Variants in CFAP44 observed in about 807,000 individuals in gnomAD.
CFAP44 encodes the protein cilia and flagella associated protein 44.
Under a neutral mutation model 216.2 loss-of-function variants are expected in CFAP44, and 134 were observed. That is an observed-to-expected ratio of 0.62 (90% CI 0.54 to 0.72). CFAP44 has a LOEUF of 0.72. CFAP44 is among the 30% of genes least tolerant of loss of function. CFAP44 has a pLI of 0.00. For synonymous variants in CFAP44, 700 were observed against 727.6 expected, an observed-to-expected ratio of 0.96 and a Z score of 0.61; for missense variants, 2,035 against 2,182.1, an observed-to-expected ratio of 0.93 and a Z score of 1.34.
At chr3:113,375,803 AGAGT>A (rs1175216892) in intron 17 of CFAP44, among the ~76,000 whole-genome samples, 5 of 152,136 alleles carry the variant, frequency 3.3e-5, no homozygotes, top group African/African-American at 9.7e-5. Context: ...CCTGGGCAAC[AGAGT>A]GAGTGAGACT....
At chr3:113,306,474 T>C (rs1949986798) in intron 29 of CFAP44, 143 bp from the exon 30 acceptor site, 3 of 930,974 alleles carry the variant, frequency 3.2e-6, no homozygotes, top group South Asian at 1.6e-5. Context: ...TATGGCTTAA[T>C]TGTTCCAGGT....
chr3:113,311,327 G>T (rs1307302224), intron 28 of CFAP44, among the ~76,000 whole-genome samples: 1 of 152,186 alleles, frequency 6.6e-6, no homozygotes, highest in Non-Finnish European at 1.5e-5. Flanking sequence ...CTCCAATAAT[G>T]CCCACATGTT....
At chr3:113,314,963 T>C (rs528875360) in intron 28 of CFAP44, among the ~76,000 whole-genome samples, 2 of 151,696 alleles carry the variant, frequency 1.3e-5, no homozygotes, top group South Asian at 4.2e-4. Context: ...CTACAAAAAA[T>C]TAAAATAGAA....
At chr3:113,309,185 T>G (rs1447350070) in intron 28 of CFAP44, among the ~76,000 whole-genome samples, 2 of 152,224 alleles carry the variant, frequency 1.3e-5, no homozygotes, top group African/African-American at 4.8e-5. Flanking sequence ...CAAGTTAATT[T>G]AGAAAAAATT....
intron 26 of CFAP44, among the ~76,000 whole-genome samples, chr3:113,328,462 C>A (rs894284171): frequency 6.6e-6 from 1 of 150,726 alleles, no homozygotes; most frequent in African/African-American, 2.4e-5. Flanking sequence ...GCTTTCCCCC[C>A]CAGTATCACA....
At chr3:113,298,345 C>T (rs1949901939) in intron 32 of CFAP44, among the ~76,000 whole-genome samples, 2 of 152,346 alleles carry the variant, frequency 1.3e-5, no homozygotes, top group South Asian at 4.1e-4. Context: ...ATGGAGAGAA[C>T]TTATTCCTTC....
intron 28 of CFAP44, among the ~76,000 whole-genome samples, chr3:113,311,226 A>G (rs917985027): frequency 7.2e-5 from 11 of 152,348 alleles, no homozygotes; most frequent in Non-Finnish European, 1.5e-4. Flanking sequence ...AATTATAAAG[A>G]ACTAAGTGAA....
intron 18 of CFAP44, among the ~76,000 whole-genome samples, chr3:113,366,998 C>T (rs1037655367): frequency 4.6e-5 from 7 of 151,666 alleles, no homozygotes; most frequent in Non-Finnish European, 8.8e-5. Flanking sequence ...GGCTGCAGCC[C>T]GGCGGGTGGA....
At chr3:113,390,752 C>T (rs1337515041) in intron 15 of CFAP44, among the ~76,000 whole-genome samples, 1 of 151,664 alleles carries the variant, frequency 6.6e-6, no homozygotes. Flanking sequence ...ATAATAGCTA[C>T]AAATAAAATA....
rs1334566443 is a variant in CFAP44 at position 113,409,043 on chromosome 3, A to G, written c.890+63T>C. The G allele has an allele frequency of 3.9e-6, 3 of 760,652 alleles. No homozygotes were observed. The Admixed American group carries it at 8.1e-5, about 20-fold the overall frequency. 47.1% of individuals were successfully genotyped at this position (760,652 alleles called of 1,614,324 possible). ...AAAAAAAAAAAAGTCTCCAGCTCTT[A>G]GATCCTCTTAGAAAAATACTCCTGT... is the stretch of plus-strand genomic sequence containing the variant. On this transcript the variant is annotated intron_variant, in intron 7 of 34. Transcript: ENST00000393845.
chr3:113,386,777 T>G (rs1933664021), intron 15 of CFAP44, among the ~76,000 whole-genome samples: 1 of 152,198 alleles, frequency 6.6e-6, no homozygotes, highest in African/African-American at 2.4e-5. Flanking sequence ...GTTTTAACTT[T>G]ACATCACTGA....
At chr3:113,298,530 T>A (rs1949903607) in intron 32 of CFAP44, among the ~76,000 whole-genome samples, 1 of 152,228 alleles carries the variant, frequency 6.6e-6, no homozygotes, top group East Asian at 1.9e-4. Flanking sequence ...GAGATATTTG[T>A]ACACTCATGT....
chr3:113,317,003 T>C (rs1010475183), intron 28 of CFAP44, among the ~76,000 whole-genome samples: 1 of 150,220 alleles, frequency 6.7e-6, no homozygotes, highest in Non-Finnish European at 1.5e-5. Context: ...AGAGAGAAAA[T>C]GCCAAGAGTG....
intron 28 of CFAP44, among the ~76,000 whole-genome samples, chr3:113,312,091 T>G (rs1166808984): frequency 7.2e-6 from 1 of 139,436 alleles, no homozygotes; most frequent in Non-Finnish European, 1.6e-5. Context: ...TTTTTTTTTT[T>G]GAGACCAAGT....
At position 113,330,538 on chromosome 3, in the gene CFAP44, T is replaced by C; in HGVS notation, c.3746A>G (p.Lys1249Arg). The change falls in exon 26 of 35, where the codon AAG (lysine) becomes AGG (arginine). Residue 1249 changes from lysine to arginine, a missense_variant. Physicochemically the swap from Lys to Arg is conservative, Grantham distance 26. Transcript: ENST00000393845. ...AGGAATTTTGGGAATGGGTATGTGC[T>C]TGGATATGTGAAGAGTCGACTGAAT... ...KNIQSTLHISKHIPIPKIPQI... is the reference protein window; with the variant it reads ...KNIQSTLHISRHIPIPKIPQI... 6.5e-7 allele frequency: 1 copy of C among 1,537,276 alleles called. No individual in the cohort carries two copies. The highest frequency in any genetic ancestry group is 8.7e-7 in the Non-Finnish European group (1 of 1,146,898).
At chr3:113,309,174 G>A (rs1950014446) in intron 28 of CFAP44, among the ~76,000 whole-genome samples, 1 of 152,132 alleles carries the variant, frequency 6.6e-6, no homozygotes, top group Non-Finnish European at 1.5e-5. Flanking sequence ...CAAGAATCCT[G>A]CAAGTTAATT....
intron 22 of CFAP44, among the ~76,000 whole-genome samples, chr3:113,351,645 C>G (rs561905364): frequency 1.3e-5 from 2 of 152,150 alleles, no homozygotes; most frequent in African/African-American, 4.8e-5. Context: ...AGGGATAGTA[C>G]GAGATGCCAA....
rs1164879813 is a variant in CFAP44, at chr3:113,333,522, C to T, written c.3499G>A (p.Ala1167Thr). The T allele has an allele frequency of 2.0e-6, 3 of 1,536,914 alleles. No individual in the cohort carries two copies. Among genetic ancestry groups the T allele is most frequent in the African/African-American group, 2.7e-5 (2 of 72,970 alleles). The change falls in exon 25 of 35, where the codon GCC becomes ACC. Residue 1167 changes from alanine (A) to threonine (T), a missense_variant. Coordinates refer to ENST00000393845, the MANE Select transcript of CFAP44 (RefSeq NM_001164496.2). ...DPKDLQAIKE[A>T]QVYMGDFNLK... The stretch of plus-strand genomic sequence containing the variant: ...TTGAAATCTCCCATATACACCTGGG[C>T]TTCTTTGATGGCTTGAAGATCTTTG...
chr3:113,358,197 G>A (rs1950508590), intron 22 of CFAP44, among the ~76,000 whole-genome samples: 1 of 152,100 alleles, frequency 6.6e-6, no homozygotes, highest in South Asian at 2.1e-4. Context: ...GGGGACATGG[G>A]GAAACTTTGT....
Sources: allele counts gnomAD v4.1 joint callset (sites outside exome capture counted in the v4.1 genomes callset), GRCh38; gene constraint gnomAD v4.1.1; transcripts MANE v1.5; gene names NCBI Gene and HGNC (gene_info 2026-07-23, HGNC 2026-07-21).